Variants in OGFOD3 observed in about 807,000 individuals in gnomAD.
OGFOD3 encodes the protein 2-oxoglutarate and iron dependent oxygenase domain containing 3, also known as 2-oxoglutarate and iron-dependent oxygenase domain-containing protein 3.
In OGFOD3, 35 loss-of-function variants were observed where a neutral mutation model predicts 39.8. That is an observed-to-expected ratio of 0.88 (90% CI 0.67 to 1.17). The LOEUF is 1.17. OGFOD3 is among the 50% of genes most tolerant of loss of function. The pLI is 0.00. For missense variants in OGFOD3, 438 were observed against 454.5 expected (o/e 0.96, Z 0.33); for synonymous variants, 200 against 192.0 (o/e 1.04, Z -0.34).
chr17:82,401,546 GCA>G (rs1187275834), intron 7 of OGFOD3, among the ~76,000 whole-genome samples: 2 of 151,838 alleles, frequency 1.3e-5, no homozygotes, highest in Admixed American at 6.6e-5. Context: ...AACTGAAACT[GCA>G]CAGAGTGCAC....
Position 82,398,197 on chromosome 17 carries a change from AGCTCTCG to A in OGFOD3, c.815_821del (p.Pro272LeufsTer86), listed in dbSNP as rs767284403. ...CCAGGCCCCGCCCGCGCCTCCTACC[AGCTCTCG>A]GCTCCACCGTCTTGTTGGCACCCTC... is the stretch of plus-strand genomic sequence containing the variant. On this transcript the variant is annotated frameshift_variant and splice_region_variant, in exon 8 of 9. Coordinates refer to ENST00000313056, the MANE Select transcript of OGFOD3 (RefSeq NM_024648.3). LOFTEE classifies it high-confidence loss of function. The A allele has an allele frequency of 6.2e-7, 1 of 1,613,814 alleles. No homozygotes were observed. The highest frequency in any genetic ancestry group is 8.5e-7 in the Non-Finnish European group (1 of 1,179,892).
chr17:82,414,488 C>G (rs565892937), intron 2 of OGFOD3, among the ~76,000 whole-genome samples: 1 of 152,274 alleles, frequency 6.6e-6, no homozygotes, highest in African/African-American at 2.4e-5. Context: ...TGAAAAATTT[C>G]TGCTCCGTGC....
At chr17:82,416,569 AATG>A (rs1272040103) in intron 1 of OGFOD3, among the ~76,000 whole-genome samples, 2 of 152,238 alleles carry the variant, frequency 1.3e-5, no homozygotes, top group Non-Finnish European at 2.9e-5. Context: ...CTGTCCCAAC[AATG>A]ATAAGAGAGG....
chr17:82,409,290 T>C, intron 4 of OGFOD3, 78 bp downstream of exon 4: 1 of 1,467,534 alleles, frequency 6.8e-7, no homozygotes, highest in Non-Finnish European at 9.5e-7. Context: ...CCTGCATGTC[T>C]GTGCCTTCCC....
At chr17:82,403,712 G>C (rs1192004205) in intron 7 of OGFOD3, among the ~76,000 whole-genome samples, 1 of 152,184 alleles carries the variant, frequency 6.6e-6, no homozygotes. Flanking sequence ...CAGGCCACGG[G>C]AGAACAGGCC....
Position 82,400,151 on chromosome 17 carries a change from C to T in OGFOD3, c.700-1832G>A, listed in dbSNP as rs566922138. 1.1e-4 allele frequency among the ~76,000 whole-genome samples: 17 copies of T among 152,306 alleles called. No individual in the cohort carries two copies. In the East Asian group the frequency reaches 2.5e-3, roughly 23 times the overall value. ...CCGCCAATATCCACCTCACATAATCCGCTGTAAGGAAGCCCAGTCTCAGGT... is the reference window on the plus strand; with the variant it reads ...CCGCCAATATCCACCTCACATAATCTGCTGTAAGGAAGCCCAGTCTCAGGT... On this transcript the variant is annotated intron_variant, in intron 7 of 8. Coordinates refer to ENST00000313056, the MANE Select transcript of OGFOD3 (RefSeq NM_024648.3).
Position 82,401,674 on chromosome 17 carries a change from C to T in OGFOD3, c.699+2263G>A, listed in dbSNP as rs531896144. ...CAAAAATTAGCCGGCCGCAGTGGCACGCACCTGTAATCCCAGCTACTCAGG... is the reference window on the plus strand; with the variant it reads ...CAAAAATTAGCCGGCCGCAGTGGCATGCACCTGTAATCCCAGCTACTCAGG... On this transcript the variant is annotated intron_variant, in intron 7 of 8. Coordinates refer to ENST00000313056, the MANE Select transcript of OGFOD3 (RefSeq NM_024648.3). Among the ~76,000 whole-genome samples the T allele has an allele frequency of 7.3e-5, 11 of 151,220 alleles. No homozygotes were observed. The South Asian group carries it at 8.4e-4, about 12-fold the overall frequency.
Position 82,402,201 on chromosome 17 carries a change from G to A in OGFOD3, c.699+1736C>T, listed in dbSNP as rs534891093. On this transcript the variant is annotated intron_variant, in intron 7 of 8. Transcript: ENST00000313056. ...TGTAATCCCAGCACTTTGGGAGGCC[G>A]AGGCAGGTGGATTGCTTGAGGTCAG... 4.0e-5 allele frequency among the ~76,000 whole-genome samples: 6 copies of A among 151,340 alleles called. No homozygotes were observed. In the East Asian group the frequency reaches 7.8e-4, roughly 20 times the overall value.
Position 82,404,132 on chromosome 17 carries a change from AG to A in OGFOD3, c.546-43del, listed in dbSNP as rs1378242096. The stretch of plus-strand genomic sequence containing the variant: ...AGCCGTCAGCGCAGCCCCAGGCGGG[AG>A]GGGACGCTCGTGGGTCCCAACCCGT... On this transcript the variant is annotated intron_variant, in intron 6 of 8. Coordinates refer to ENST00000313056, the MANE Select transcript of OGFOD3 (RefSeq NM_024648.3). This position sits in a 1 kb window ranked among gnomAD's most constrained non-coding sequence, Gnocchi z 4.5. The A allele has an allele frequency of 1.3e-6, 2 of 1,524,758 alleles. No homozygotes were observed. The highest frequency in any genetic ancestry group is 1.8e-6 in the Non-Finnish European group (2 of 1,132,848). 94.5% of individuals were successfully genotyped at this position (1,524,758 alleles called of 1,614,324 possible).
At chr17:82,396,453 T>A (rs1254734124) in intron 8 of OGFOD3, 2 of 151,618 alleles carry the variant, frequency 1.3e-5, no homozygotes, top group East Asian at 3.9e-4. Context: ...ATTAGATGTA[T>A]GACATCAAAT....
rs950581829 is a variant in OGFOD3 at position 82,418,396 on chromosome 17, C to T, written c.74+16G>A. The T allele has an allele frequency of 8.8e-6, 13 of 1,472,800 alleles. No individual in the cohort carries two copies. Among genetic ancestry groups the T allele is most frequent in the Admixed American group, 4.5e-5 (2 of 44,334 alleles). The allele number at this position is 1,472,800 out of a possible 1,614,324, so 91.2% of individuals were successfully genotyped here. A position where few individuals can be genotyped will look rare whatever the true frequency, so the allele number is the denominator to read the frequency against. ...TCCGCCGCCGCAGCGCGCGCCCTTC[C>T]CCTCCTCACCGCTACCTGCTCCGGT... On this transcript the variant is annotated intron_variant, in intron 1 of 8. Coordinates refer to ENST00000313056, the MANE Select transcript of OGFOD3 (RefSeq NM_024648.3).
intron 4 of OGFOD3, among the ~76,000 whole-genome samples, chr17:82,407,439 C>T (rs1042663311): frequency 7.2e-5 from 11 of 152,226 alleles, no homozygotes; most frequent in African/African-American, 2.2e-4. Flanking sequence ...TGCCTCACAG[C>T]GGTGCTCCCA....
At chr17:82,403,883 G>T in intron 7 of OGFOD3, 54 bp downstream of exon 7, 1 of 1,549,422 alleles carries the variant, frequency 6.5e-7, no homozygotes, top group South Asian at 1.2e-5. Context: ...CCGTGCCCAC[G>T]GGCACGCTCA....
Position 82,389,516 on chromosome 17 carries a change from T to C in OGFOD3, c.*2882A>G, listed in dbSNP as rs1416077226. On this transcript the variant is annotated 3_prime_UTR_variant, in exon 9 of 9. Transcript: ENST00000313056. The surrounding 1 kb of genome is among the most constrained non-coding windows in gnomAD (Gnocchi z 4.6). The stretch of plus-strand genomic sequence containing the variant: ...AATGCCCAGGCTTCAATGATAAATT[T>C]TTTTTTGAGACAGTATCTTGCTGTC... 1 of 152,206 alleles carries C rather than the reference T, an allele frequency of 6.6e-6. No individual in the cohort carries two copies. The highest frequency in any genetic ancestry group is 1.5e-5 in the Non-Finnish European group (1 of 68,036). 9.4% of individuals were successfully genotyped at this position (152,206 alleles called of 1,614,324 possible).
chr17:82,405,233 G>T, intron 6 of OGFOD3, 91 bp downstream of exon 6: 1 of 1,149,242 alleles, frequency 8.7e-7, no homozygotes, highest in Non-Finnish European at 1.3e-6. Context: ...GGGCCTCTCC[G>T]TGGGGCCTCC....
At position 82,415,273 on chromosome 17, in the gene OGFOD3, G is replaced by A; in HGVS notation, c.304+125C>T. 1.1e-6 allele frequency: 1 copy of A among 948,648 alleles called. No homozygotes were observed. The highest frequency in any genetic ancestry group is 1.6e-5 in the African/African-American group (1 of 61,526). The allele number at this position is 948,648 out of a possible 1,614,324, so 58.8% of individuals were successfully genotyped here. ...TCAGACGTGGACTAGCCAGCCTGCAGGAGGGGAGAGGTTGTCTGCTACCCC... is the reference window on the plus strand; with the variant it reads ...TCAGACGTGGACTAGCCAGCCTGCAAGAGGGGAGAGGTTGTCTGCTACCCC... On this transcript the variant is annotated intron_variant, in intron 2 of 8. Transcript: ENST00000313056. This position sits in a 1 kb window ranked among gnomAD's most constrained non-coding sequence, Gnocchi z 5.3.
rs545557461 is a variant in OGFOD3, at chr17:82,395,877, A to T, written c.823+2319T>A. Among the ~76,000 whole-genome samples the T allele has an allele frequency of 1.2e-4, 18 of 152,362 alleles. No homozygotes were observed. In the South Asian group the frequency reaches 3.7e-3, roughly 32 times the overall value. ...TAAACACATAGATACACACAATTAG[A>T]CAGATGTACAACATCAAATCACAGG... is the stretch of plus-strand genomic sequence containing the variant. On this transcript the variant is annotated intron_variant, in intron 8 of 8. Transcript: ENST00000313056.
At position 82,418,525 on chromosome 17, in the gene OGFOD3, C is replaced by G. The variant is rs1445838954; in HGVS notation, c.-40G>C. 1 of 1,233,638 alleles carries G rather than the reference C, an allele frequency of 8.1e-7. No homozygotes were observed. The highest frequency in any genetic ancestry group is 1.0e-6 in the Non-Finnish European group (1 of 962,794). 76.4% of individuals were successfully genotyped at this position (1,233,638 alleles called of 1,614,324 possible). ...GCGGAGCCGGGCCGGACGCGGGCGC[C>G]AGGCCCGGGGACGAACGCCGTAACA... is the stretch of plus-strand genomic sequence containing the variant. On this transcript the variant is annotated 5_prime_UTR_variant, in exon 1 of 9. Coordinates refer to ENST00000313056, the MANE Select transcript of OGFOD3 (RefSeq NM_024648.3).
chr17:82,394,367 G>T, intron 8 of OGFOD3: 2 of 1,580,774 alleles, frequency 1.3e-6, no homozygotes, highest in Non-Finnish European at 1.7e-6. Flanking sequence ...CGGCAACCAA[G>T]GAATCAACAA....
Sources: gnomAD v4.1 joint callset for allele counts (sites outside exome capture counted in the v4.1 genomes callset) on GRCh38, gnomAD v4.1.1 for gene constraint, Gnocchi (gnomAD v3.1) non-coding constraint, MANE v1.5 for transcripts, NCBI Gene and HGNC (gene_info 2026-07-23, HGNC 2026-07-21) for gene names.